Variants in DOCK2 observed in about 807,000 individuals in gnomAD.
DOCK2 encodes the protein dedicator of cytokinesis 2.
DOCK2 carries 87 observed loss-of-function variants against 248.9 expected under a neutral mutation model. The ratio of observed to expected loss-of-function variants is 0.35; its 90% CI spans 0.29 to 0.42. The LOEUF (loss-of-function observed/expected upper bound fraction) is 0.42. Ranked by LOEUF, DOCK2 falls within the 10% of genes least tolerant of loss-of-function variation. The pLI, the probability that DOCK2 is intolerant of heterozygous loss-of-function variation, is 1.00. For missense variants in DOCK2, 1,747 were observed against 2,300.2 expected (o/e 0.76, Z 4.92); for synonymous variants, 805 against 821.6 (o/e 0.98, Z 0.35).
intron 50 of DOCK2, chr5:170,080,897 C>T (rs1758007893): frequency 6.5e-6 from 1 of 153,550 alleles, no homozygotes; most frequent in Non-Finnish European, 1.5e-5. Context: ...GTGCCTGGCT[C>T]TGTGTGCTAA....
intron 27 of DOCK2, among the ~76,000 whole-genome samples, chr5:169,977,525 C>T (rs985312638): frequency 6.6e-6 from 1 of 152,148 alleles, no homozygotes; most frequent in Non-Finnish European, 1.5e-5. Flanking sequence ...ATTTTTATCC[C>T]CTTTTACAGA....
chr5:169,711,711 G>A (rs1035495414), intron 15 of DOCK2, among the ~76,000 whole-genome samples: 1 of 152,180 alleles, frequency 6.6e-6, no homozygotes, highest in African/African-American at 2.4e-5. Context: ...TTCATTGGCT[G>A]GGAATGCAAT....
At chr5:169,861,287 G>A (rs993222257) in intron 27 of DOCK2, among the ~76,000 whole-genome samples, 1 of 152,228 alleles carries the variant, frequency 6.6e-6, no homozygotes, top group African/African-American at 2.4e-5. Context: ...ACCCAAGCTA[G>A]TAATGGAGTC....
chr5:169,864,454 T>G, intron 27 of DOCK2: 1 of 1,534,392 alleles, frequency 6.5e-7, no homozygotes, highest in Non-Finnish European at 8.8e-7. Context: ...AAAATCATAC[T>G]CTACACTGAA....
chr5:170,012,362 T>A (rs1755333504), intron 32 of DOCK2, among the ~76,000 whole-genome samples: 1 of 152,234 alleles, frequency 6.6e-6, no homozygotes, highest in Admixed American at 6.5e-5. Context: ...AGATGACTGA[T>A]AATGAGTAAA....
At chr5:169,758,304 A>C (rs1764301105) in intron 23 of DOCK2, among the ~76,000 whole-genome samples, 1 of 152,194 alleles carries the variant, frequency 6.6e-6, no homozygotes, top group Non-Finnish European at 1.5e-5. Flanking sequence ...CATAGAAAGC[A>C]GTCTGGAAGG....
intron 27 of DOCK2, among the ~76,000 whole-genome samples, chr5:169,910,934 T>C (rs930983737): frequency 6.6e-6 from 1 of 152,182 alleles, no homozygotes; most frequent in Non-Finnish European, 1.5e-5. Flanking sequence ...GCACAATTTC[T>C]GAGTCCTTCC....
At chr5:169,810,927 A>G (rs1469449708) in intron 26 of DOCK2, among the ~76,000 whole-genome samples, 1 of 149,066 alleles carries the variant, frequency 6.7e-6, no homozygotes, top group Non-Finnish European at 1.5e-5. Flanking sequence ...TTGAATATGC[A>G]CGTGTGGTTT....
chr5:169,941,024 C>A (rs991042827), intron 27 of DOCK2, among the ~76,000 whole-genome samples: 1 of 152,174 alleles, frequency 6.6e-6, no homozygotes, highest in African/African-American at 2.4e-5. Flanking sequence ...AGACAGAAAG[C>A]CTGCCCTCAT....
At chr5:169,696,453 G>A (rs944903924) in intron 10 of DOCK2, among the ~76,000 whole-genome samples, 11 of 152,200 alleles carry the variant, frequency 7.2e-5, no homozygotes, top group South Asian at 2.1e-4. Flanking sequence ...AGCTCTCCTG[G>A]GGTTTCTAAG....
intron 26 of DOCK2, among the ~76,000 whole-genome samples, chr5:169,805,418 T>A (rs759242553): frequency 7.9e-5 from 12 of 152,070 alleles, no homozygotes; most frequent in Non-Finnish European, 1.6e-4. Context: ...TAAAAAAAAA[T>A]TTGCCTCTTT....
rs114507900 is a variant in DOCK2 at position 169,770,744 on chromosome 5, C to T, written c.2554+9119C>T. On this transcript the variant is annotated intron_variant, in intron 25 of 51. Coordinates refer to ENST00000520908, the MANE Select transcript of DOCK2 (RefSeq NM_004946.3). ...AATTTGAAGGAATTTATTTTTTTTA[C>T]TTAATATTAAACTAGGAATCATCCA... Among the ~76,000 whole-genome samples the T allele has an allele frequency of 2.1e-3, 313 of 151,480 alleles. 1 individual carries two copies. The highest frequency in any genetic ancestry group is 6.9e-3 in the African/African-American group (286 of 41,260).
chr5:169,890,842 C>T (rs1773239057), intron 27 of DOCK2, among the ~76,000 whole-genome samples: 2 of 152,220 alleles, frequency 1.3e-5, no homozygotes, highest in South Asian at 4.1e-4. Flanking sequence ...TCATCTCTCA[C>T]CTGTATCACT....
chr5:169,746,725 A>G (rs896698984), intron 22 of DOCK2, among the ~76,000 whole-genome samples: 21 of 152,206 alleles, frequency 1.4e-4, no homozygotes, highest in Non-Finnish European at 2.6e-4. Flanking sequence ...TTACACTTGT[A>G]TATTATTATA....
rs1764240517 is a variant in DOCK2 at position 169,757,144 on chromosome 5, C to A, written c.2377-2561C>A. Among the ~76,000 whole-genome samples, 4 of 151,982 alleles carry A rather than the reference C, an allele frequency of 2.6e-5. 1 individual carries two copies. The South Asian group carries it at 8.3e-4, about 32-fold the overall frequency. ...GAGTCTTTAGGGAGAGAATGGAATCCACACACCTCATCACTTCCCACTGCC... is the reference window on the plus strand; with the variant it reads ...GAGTCTTTAGGGAGAGAATGGAATCAACACACCTCATCACTTCCCACTGCC... On this transcript the variant is annotated intron_variant, in intron 23 of 51. Coordinates refer to ENST00000520908, the MANE Select transcript of DOCK2 (RefSeq NM_004946.3).
intron 43 of DOCK2, 80 bp downstream of exon 43, chr5:170,056,848 G>A: frequency 1.5e-6 from 2 of 1,313,786 alleles, no homozygotes; most frequent in Non-Finnish European, 2.1e-6. Flanking sequence ...CCTCAGAATG[G>A]GAAGGAACTT....
intron 39 of DOCK2, 61 bp downstream of exon 39, chr5:170,045,966 A>T (rs755250726): frequency 6.6e-7 from 1 of 1,521,362 alleles, no homozygotes; most frequent in Non-Finnish European, 9.1e-7. Context: ...GCCTCAGCTC[A>T]CCCCAGATCC....
intron 27 of DOCK2, among the ~76,000 whole-genome samples, chr5:169,928,323 C>T (rs1366681242): frequency 6.6e-6 from 1 of 152,220 alleles, no homozygotes; most frequent in Non-Finnish European, 1.5e-5. Context: ...CTGTTCTGAC[C>T]AGTGGCAGTG....
At position 170,077,790 on chromosome 5, in the gene DOCK2, T is replaced by C; in HGVS notation, c.4947T>C (p.Ala1649=). ...SYRQMSIISL[A]SMNSDCSTPS... ...GACAGATGTCCATCATCTCTCTGGC[T>C]TCCATGAATTCTGACTGCAGCACCC... Residue 1649 remains alanine (A), a synonymous_variant, in exon 48 of 52, where the codon GCT becomes GCC. Transcript: ENST00000520908. 6.2e-7 allele frequency: 1 copy of C among 1,613,832 alleles called. No homozygotes were observed. Among genetic ancestry groups the C allele is most frequent in the Non-Finnish European group, 8.5e-7 (1 of 1,179,950 alleles).
Sources: allele counts gnomAD v4.1 joint callset (sites outside exome capture counted in the v4.1 genomes callset), GRCh38; gene constraint gnomAD v4.1.1; transcripts MANE v1.5; gene names NCBI Gene and HGNC (gene_info 2026-07-23, HGNC 2026-07-21).